Variants in SCFD2 observed in about 807,000 individuals in gnomAD.
SCFD2 encodes sec1 family domain containing 2, also known as sec1 family domain-containing protein 2.
Under a neutral mutation model 58.9 loss-of-function variants are expected in SCFD2, and 54 were observed. The ratio of observed to expected loss-of-function variants is 0.92; its 90% confidence interval spans 0.74 to 1.15. The LOEUF (loss-of-function observed/expected upper bound fraction) is 1.15. Among genes scored for constraint, SCFD2 ranks in the 50% most tolerant of loss-of-function variants. The pLI, the probability that SCFD2 is intolerant of heterozygous loss-of-function variation, is 0.00. For synonymous variants in SCFD2, 321 were observed against 335.9 expected (o/e 0.96, Z 0.49); for missense variants, 805 against 836.6 (o/e 0.96, Z 0.47).
rs12331600 is a variant in SCFD2, at chr4:53,053,585, C to T, written c.1561+91748G>A. Reference sequence around the variant, plus strand: ...CTCAACTCCTGACGCTCAGCACTTGCGCACTGTGCTCCGATCATATGGCTC... The same window carrying T: ...CTCAACTCCTGACGCTCAGCACTTGTGCACTGTGCTCCGATCATATGGCTC... On this transcript the variant is annotated intron_variant, in intron 5 of 8. Transcript: ENST00000401642. Among the ~76,000 whole-genome samples the T allele has an allele frequency of 1.1e-4, 17 of 152,172 alleles. No individual in the cohort carries two copies. In the South Asian group the frequency reaches 2.7e-3, roughly 24 times the overall value.
intron 5 of SCFD2, among the ~76,000 whole-genome samples, chr4:53,086,741 G>A (rs1212646486): frequency 6.6e-6 from 1 of 152,156 alleles, no homozygotes; most frequent in East Asian, 1.9e-4. Flanking sequence ...CAACATGGAT[G>A]GAATTGGAGG....
intron 7 of SCFD2, among the ~76,000 whole-genome samples, chr4:52,900,102 C>G (rs908142471): frequency 6.6e-6 from 1 of 152,112 alleles, no homozygotes; most frequent in South Asian, 2.1e-4. Flanking sequence ...TGAACTTCCT[C>G]CTTTAGCTCG....
intron 4 of SCFD2, among the ~76,000 whole-genome samples, chr4:53,256,848 G>C (rs1386563949): frequency 2.7e-5 from 4 of 145,948 alleles, no homozygotes; most frequent in Non-Finnish European, 4.5e-5. Flanking sequence ...ATCAGAGGGA[G>C]ACCGTGGAAA....
intron 7 of SCFD2, among the ~76,000 whole-genome samples, chr4:52,904,492 G>A (rs1719298045): frequency 6.6e-6 from 1 of 152,208 alleles, no homozygotes; most frequent in Non-Finnish European, 1.5e-5. Flanking sequence ...CAACTCTAAT[G>A]CACACATTTA....
At chr4:53,202,745 C>G (rs1038676677) in intron 4 of SCFD2, among the ~76,000 whole-genome samples, 1 of 151,988 alleles carries the variant, frequency 6.6e-6, no homozygotes, top group Non-Finnish European at 1.5e-5. Flanking sequence ...CCTTCACATC[C>G]CTTGTAAGTT....
At chr4:53,341,843 T>C (rs1340128927) in intron 2 of SCFD2, among the ~76,000 whole-genome samples, 1 of 152,208 alleles carries the variant, frequency 6.6e-6, no homozygotes, top group African/African-American at 2.4e-5. Context: ...CAGAATTTCA[T>C]ATCCAGCCAA....
intron 5 of SCFD2, among the ~76,000 whole-genome samples, chr4:52,933,608 T>G (rs1172815872): frequency 6.6e-6 from 1 of 152,084 alleles, no homozygotes; most frequent in Non-Finnish European, 1.5e-5. Flanking sequence ...GTTAAAGAAC[T>G]GGTGAACTAC....
chr4:53,039,108 GCCTTCAGAATT>G (rs554439711), intron 5 of SCFD2, among the ~76,000 whole-genome samples: 277 of 152,190 alleles, frequency 1.8e-3, no homozygotes, highest in Non-Finnish European at 2.6e-3. Flanking sequence ...CTAGTCTAGT[GCCTTCAGAATT>G]CTGAAAAGCT....
At chr4:53,174,793 A>C (rs1190703027) in intron 4 of SCFD2, among the ~76,000 whole-genome samples, 1 of 152,244 alleles carries the variant, frequency 6.6e-6, no homozygotes, top group African/African-American at 2.4e-5. Context: ...AATATGAAGC[A>C]GTAAGTCTTC....
At chr4:53,121,482 C>G (rs536383860) in intron 5 of SCFD2, among the ~76,000 whole-genome samples, 1 of 152,290 alleles carries the variant, frequency 6.6e-6, no homozygotes, top group South Asian at 2.1e-4. Context: ...AACAGGGCTC[C>G]AGAACAGCTA....
At chr4:53,043,402 A>T (rs1722947528) in intron 5 of SCFD2, among the ~76,000 whole-genome samples, 1 of 152,234 alleles carries the variant, frequency 6.6e-6, no homozygotes, top group African/African-American at 2.4e-5. Flanking sequence ...ACATATAAAA[A>T]ATAGTGCTGA....
At chr4:52,893,786 A>G (rs936100409) in intron 7 of SCFD2, among the ~76,000 whole-genome samples, 2 of 152,190 alleles carry the variant, frequency 1.3e-5, no homozygotes, top group Non-Finnish European at 2.9e-5. Flanking sequence ...TTGAGCATCT[A>G]CAAAATGCAG....
At chr4:53,181,195 C>A (rs1169366909) in intron 4 of SCFD2, among the ~76,000 whole-genome samples, 7 of 152,108 alleles carry the variant, frequency 4.6e-5, no homozygotes, top group Non-Finnish European at 1.0e-4. Flanking sequence ...CTGGCAGAGA[C>A]ACAACCAAAA....
At chr4:53,197,762 A>AAAAAAG (rs1167928810) in intron 4 of SCFD2, among the ~76,000 whole-genome samples, 11 of 151,684 alleles carry the variant, frequency 7.3e-5, no homozygotes, top group Admixed American at 1.3e-4. Flanking sequence ...AAAAAAAAAA[A>AAAAAAG]AAAAAGAAAT....
At chr4:52,963,171 C>T (rs1720889338) in intron 5 of SCFD2, among the ~76,000 whole-genome samples, 1 of 152,090 alleles carries the variant, frequency 6.6e-6, no homozygotes, top group Non-Finnish European at 1.5e-5. Context: ...TTTAATTATC[C>T]TCTATTGAAA....
chr4:53,095,348 G>C (rs1724589554), intron 5 of SCFD2, among the ~76,000 whole-genome samples: 1 of 152,068 alleles, frequency 6.6e-6, no homozygotes, highest in African/African-American at 2.4e-5. Flanking sequence ...AGTAATCTTT[G>C]ACATCGTTCT....
intron 7 of SCFD2, among the ~76,000 whole-genome samples, chr4:52,893,459 T>C (rs549009328): frequency 1.8e-4 from 28 of 152,338 alleles, no homozygotes; most frequent in African/African-American, 5.8e-4. Flanking sequence ...ACATCAGTCT[T>C]TACTGACAGC....
chr4:53,347,140 G>A (rs758402110), intron 2 of SCFD2, among the ~76,000 whole-genome samples: 41 of 152,182 alleles, frequency 2.7e-4, no homozygotes, highest in Admixed American at 5.2e-4. Flanking sequence ...TATATTTAAT[G>A]TGTCATAAGC....
chr4:53,209,612 C>T (rs1410954797), intron 4 of SCFD2, among the ~76,000 whole-genome samples: 1 of 152,008 alleles, frequency 6.6e-6, no homozygotes, highest in East Asian at 1.9e-4. Context: ...TAAAAAGCCA[C>T]TCAGGGAATA....
Sources: gnomAD v4.1 joint callset for allele counts (sites outside exome capture counted in the v4.1 genomes callset) on GRCh38, gnomAD v4.1.1 for gene constraint, MANE v1.5 for transcripts, NCBI Gene and HGNC (gene_info 2026-07-23, HGNC 2026-07-21) for gene names.